SFR1: variants seen among roughly 807,000 people sequenced by gnomAD.
SFR1 encodes SWI5 dependent homologous recombination repair protein 1.
Under a neutral mutation model 26.2 loss-of-function variants are expected in SFR1, and 24 were observed. The ratio of observed to expected loss-of-function variants is 0.92; its 90% CI spans 0.66 to 1.29. SFR1 has a LOEUF of 1.29. Ranked by LOEUF, SFR1 falls within the 50% of genes most tolerant of loss-of-function variation. The pLI is 0.00. For synonymous variants in SFR1, 77 were observed against 96.6 expected (o/e 0.80, Z 1.19); for missense variants, 276 against 270.2 (o/e 1.02, Z -0.15).
chr10:104,120,887 T>G (rs2086954004), upstream of SFR1, among the ~76,000 whole-genome samples: 2 of 152,192 alleles, frequency 1.3e-5, no homozygotes, highest in South Asian at 4.1e-4. Context: ...TTTGGCCACT[T>G]CTAAGCCACT....
At chr10:104,125,370 A>C (rs953372164) in intron 3 of SFR1, 143 bp from the exon 4 acceptor site, 6 of 625,328 alleles carry the variant, frequency 9.6e-6, no homozygotes, top group Non-Finnish European at 1.4e-5. Context: ...ACATATGACC[A>C]TCCTACTTTT....
chr10:104,121,510 C>A (rs2086960467), upstream of SFR1, among the ~76,000 whole-genome samples: 1 of 152,150 alleles, frequency 6.6e-6, no homozygotes, highest in African/African-American at 2.4e-5. Context: ...CTGGAACCAC[C>A]ACGCTGGAAT....
rs1344442735 is a variant in SFR1 at position 104,122,213 on chromosome 10, A to G, written c.13+17A>G. 1 of 1,537,778 alleles carries G rather than the reference A, an allele frequency of 6.5e-7. No homozygotes were observed. The highest frequency in any genetic ancestry group is 8.8e-7 in the Non-Finnish European group (1 of 1,140,596). ...CGGAGGGAGGTACCCTGCTGAGGGG[A>G]AGGGGGGATCCCTGACACCTGGGCT... On this transcript the variant is annotated intron_variant, in intron 1 of 3. Coordinates refer to ENST00000369727, the MANE Select transcript of SFR1 (RefSeq NM_001002759.2).
chr10:104,121,752 CAAGGAAGCCTGA>C (rs2086963943), upstream of SFR1, among the ~76,000 whole-genome samples: 1 of 152,142 alleles, frequency 6.6e-6, no homozygotes, highest in African/African-American at 2.4e-5. Context: ...CGCACAAAAA[CAAGGAAGCCTGA>C]AGGGAAGGCG....
chr10:104,123,834 A>G lies in SFR1; in HGVS notation c.256A>G (p.Lys86Glu). The change falls in exon 3 of 4, where the codon AAA (lysine) becomes GAA (glutamate). Residue 86 changes from lysine (K) to glutamate (E), a missense_variant. Transcript: ENST00000369727. ...SEENDQTFSE[K>E]PASSTEENCL... Reference sequence around the variant, plus strand: ...AGAAAATGATCAGACCTTTTCAGAGAAACCAGCATCTTCCACAGAGGAAAA... The same window carrying G: ...AGAAAATGATCAGACCTTTTCAGAGGAACCAGCATCTTCCACAGAGGAAAA... 6.2e-7 allele frequency: 1 copy of G among 1,613,094 alleles called. No homozygotes were observed. The highest frequency in any genetic ancestry group is 8.5e-7 in the Non-Finnish European group (1 of 1,179,952).
chr10:104,123,765 A>C lies in SFR1; in HGVS notation c.187A>C (p.Asn63His). 1 of 1,606,896 alleles carries C rather than the reference A, an allele frequency of 6.2e-7. No homozygotes were observed. Among genetic ancestry groups the C allele is most frequent in the Non-Finnish European group, 8.5e-7 (1 of 1,177,962 alleles). ...ERLRKTRFSF[N>H]SSYNVVKRLK... Reference sequence around the variant, plus strand: ...ATTAAGGAAAACAAGATTTTCATTTAATTCCTCTTACAATGTGGTGAAACG... The same window carrying C: ...ATTAAGGAAAACAAGATTTTCATTTCATTCCTCTTACAATGTGGTGAAACG... Residue 63 changes from asparagine to histidine, a missense_variant, in exon 3 of 4, where the codon AAT becomes CAT. Asn to His is a moderately conservative substitution (Grantham distance 68). Transcript: ENST00000369727.
chr10:104,125,455 A>G, intron 3 of SFR1, 58 bp from the exon 4 acceptor site: 2 of 1,388,708 alleles, frequency 1.4e-6, no homozygotes, highest in African/African-American at 2.9e-5. Context: ...TAACAACTTT[A>G]ATTAAGTTGA....
chr10:104,122,741 T>A, intron 1 of SFR1: 1 of 1,448,204 alleles, frequency 6.9e-7, no homozygotes, highest in South Asian at 1.4e-5. Flanking sequence ...CTTGTGACTA[T>A]GAGATACTAG....
intron 1 of SFR1, 168 bp from the exon 2 acceptor site, chr10:104,122,797 G>A: frequency 1.3e-6 from 2 of 1,523,844 alleles, no homozygotes; most frequent in African/African-American, 1.4e-5. Flanking sequence ...ATGTGGGAAG[G>A]TAAATGGAAA....
At chr10:104,124,772 T>G (rs2087007720) in intron 3 of SFR1, among the ~76,000 whole-genome samples, 2 of 152,086 alleles carry the variant, frequency 1.3e-5, no homozygotes, top group Non-Finnish European at 2.9e-5. Flanking sequence ...TTAGGAGTAT[T>G]GAATGTTGAA....
Position 104,125,699 on chromosome 10 carries a change from G to C in SFR1, c.733G>C (p.Val245Leu), listed in dbSNP as rs539446668. 5 of 1,560,680 alleles carry C rather than the reference G, an allele frequency of 3.2e-6. No individual in the cohort carries two copies. In the African/African-American group the frequency reaches 6.9e-5, roughly 22 times the overall value. The change falls in exon 4 of 4, where the codon GTT becomes CTT. Residue 245 changes from valine (V) to leucine (L), a missense_variant. Val to Leu is a conservative substitution (Grantham distance 32). Coordinates refer to ENST00000369727, the MANE Select transcript of SFR1 (RefSeq NM_001002759.2). The stretch of plus-strand genomic sequence containing the variant: ...CAGAAGTGAAGAAGAATTTATAGAT[G>C]TTTAATTCCTGATTTTTGCTCCAGA... ...YNRSEEEFIDV is the reference protein window; with the variant it reads ...YNRSEEEFIDL
chr10:104,123,270 C>T lies in SFR1; in HGVS notation c.135+184C>T, dbSNP rs918667419. 18 of 508,916 alleles carry T rather than the reference C, an allele frequency of 3.5e-5. No homozygotes were observed. In the Admixed American group the frequency reaches 5.8e-4, roughly 16 times the overall value. 31.5% of individuals were successfully genotyped at this position (508,916 alleles called of 1,614,324 possible). A position where few individuals can be genotyped will look rare whatever the true frequency, so the allele number is the denominator to read the frequency against. On this transcript the variant is annotated intron_variant, in intron 2 of 3. Transcript: ENST00000369727. ...TATATGACACCCACCAGCCCCCTTC[C>T]ATATTTTCCTCTTGAATGAATTCAT...
At chr10:104,122,568 C>T (rs2086977052) in intron 1 of SFR1, 2 of 985,264 alleles carry the variant, frequency 2.0e-6, no homozygotes, top group South Asian at 4.7e-5. Context: ...GGATGGGTGA[C>T]ATTCAGGTCC....
intron 3 of SFR1, among the ~76,000 whole-genome samples, 200 bp from the exon 4 acceptor site, chr10:104,125,313 A>G (rs2087013081): frequency 6.6e-6 from 1 of 152,226 alleles, no homozygotes; most frequent in East Asian, 1.9e-4. Flanking sequence ...AGCTTAAGCC[A>G]ACAAAATAGC....
chr10:104,121,207 AGT>A (rs1014267753), upstream of SFR1, among the ~76,000 whole-genome samples: 18 of 152,130 alleles, frequency 1.2e-4, no homozygotes, highest in Non-Finnish European at 4.4e-5. Flanking sequence ...AATCTCATGT[AGT>A]GATTGTTCTG....
Position 104,123,696 on chromosome 10 carries a change from GT to G in SFR1, c.136-14del, listed in dbSNP as rs771438848. The G allele has an allele frequency of 6.6e-7, 1 of 1,526,506 alleles. No individual in the cohort carries two copies. Among genetic ancestry groups the G allele is most frequent in the South Asian group, 1.3e-5 (1 of 77,328 alleles). 94.6% of individuals were successfully genotyped at this position (1,526,506 alleles called of 1,614,324 possible). Reference sequence around the variant, plus strand: ...GTTTTTCTTGATTCACATTTTTAATGTTTTGTGCTCTTTATAGCCTATGAGT... The same window carrying G: ...GTTTTTCTTGATTCACATTTTTAATGTTTGTGCTCTTTATAGCCTATGAGT... On this transcript the variant is annotated splice_polypyrimidine_tract_variant and intron_variant, in intron 2 of 3. Coordinates refer to ENST00000369727, the MANE Select transcript of SFR1 (RefSeq NM_001002759.2).
chr10:104,122,151 G>C (rs1473426350), upstream of SFR1: 1 of 1,546,924 alleles, frequency 6.5e-7, no homozygotes, highest in East Asian at 2.5e-5. Context: ...ATTTACGGCC[G>C]CAGGTGCGCG....
chr10:104,124,059 A>G lies in SFR1; in HGVS notation c.481A>G (p.Lys161Glu). 6.2e-7 allele frequency: 1 copy of G among 1,614,000 alleles called. No homozygotes were observed. The change falls in exon 3 of 4, where the codon AAG (lysine) becomes GAG (glutamate). Residue 161 changes from lysine to glutamate, a missense_variant. By Grantham distance (56) the Lys-to-Glu change is moderately conservative. Transcript: ENST00000369727. ...RLNAEKAKLVKQVQEKEDLLR... is the reference protein window; with the variant it reads ...RLNAEKAKLVEQVQEKEDLLR... ...AAACGCTGAAAAAGCCAAATTGGTG[A>G]AGCAGGTTCAGGAGAAAGAAGACCT...
intron 2 of SFR1, among the ~76,000 whole-genome samples, 184 bp from the exon 3 acceptor site, chr10:104,123,530 G>A (rs1310764125): frequency 1.3e-5 from 2 of 152,004 alleles, no homozygotes; most frequent in African/African-American, 4.8e-5. Context: ...GAAGTAAAAA[G>A]GAAATAAAAC....
Sources: gnomAD v4.1 joint callset for allele counts (sites outside exome capture counted in the v4.1 genomes callset) on GRCh38, gnomAD v4.1.1 for gene constraint, MANE v1.5 for transcripts, NCBI Gene and HGNC (gene_info 2026-07-23, HGNC 2026-07-21) for gene names.